Variants in SLCO1B3 observed in about 807,000 individuals in gnomAD.
SLCO1B3 encodes the protein solute carrier organic anion transporter family member 1B3, also known as liver-specific organic anion transporter 2.
In SLCO1B3, 72 loss-of-function variants were observed where a neutral mutation model predicts 71.8. That is an observed-to-expected ratio of 1.00 (90% CI 0.83 to 1.22). The LOEUF is 1.22. Among genes scored for constraint, SLCO1B3 ranks in the 50% most tolerant of loss-of-function variants. The pLI is 0.00. For synonymous variants in SLCO1B3, 298 were observed against 278.4 expected, an observed-to-expected ratio of 1.07 and a Z score of -0.70; for missense variants, 911 against 819.7, an observed-to-expected ratio of 1.11 and a Z score of -1.36.
chr12:20,883,574 G>A lies in SLCO1B3; in HGVS notation c.1654G>A (p.Gly552Ser), dbSNP rs1396825033. 5.5e-5 allele frequency: 87 copies of A among 1,595,232 alleles called. No homozygotes were observed. The highest frequency in any genetic ancestry group is 7.2e-5 in the Non-Finnish European group (85 of 1,173,296). ...AAACTCTTTGTTCTCTGCAACAGGA[G>A]GTACCACATTTATCTTGTTGACTGT... is the stretch of plus-strand genomic sequence containing the variant. ...VINSLFSATG[G>S]TTFILLTVKI... The change falls in exon 13 of 16, where the codon GGT becomes AGT. Residue 552 changes from glycine (G) to serine (S), a missense_variant. Physicochemically the swap from Gly to Ser is moderately conservative, Grantham distance 56 (BLOSUM62 0). Transcript: ENST00000381545.
chr12:20,907,910 T>G (rs754310886), intron 15 of SLCO1B3, among the ~76,000 whole-genome samples: 24 of 152,254 alleles, frequency 1.6e-4, no homozygotes, highest in Admixed American at 3.3e-4. Context: ...AAATCATAAT[T>G]CATTTTAAGG....
At chr12:20,854,594 C>T (rs930022957) in intron 3 of SLCO1B3, among the ~76,000 whole-genome samples, 1 of 152,118 alleles carries the variant, frequency 6.6e-6, no homozygotes, top group Non-Finnish European at 1.5e-5. Context: ...CATAAAATTC[C>T]TCTTTGCCTC....
chr12:20,915,229 A>G (rs1866467989), intron 15 of SLCO1B3, among the ~76,000 whole-genome samples: 1 of 151,872 alleles, frequency 6.6e-6, no homozygotes, highest in Non-Finnish European at 1.5e-5. Context: ...ATATAAACTT[A>G]GAGATTGTTT....
rs182055019 is a variant in SLCO1B3 at position 20,904,499 on chromosome 12, A to G, written c.1865+3032A>G. Among the ~76,000 whole-genome samples the G allele has an allele frequency of 2.2e-3, 336 of 152,142 alleles. 2 individuals are homozygous for G. The highest frequency in any genetic ancestry group is 8.0e-3 in the African/African-American group (331 of 41,538). ...GCTCCACTCCTGTGGCTCTGCAGGT[A>G]CAGTCCCCATGGCTGCTTTCATGGG... On this transcript the variant is annotated intron_variant, in intron 15 of 15. Transcript: ENST00000381545.
chr12:20,890,622 G>A (rs538937091), intron 13 of SLCO1B3, among the ~76,000 whole-genome samples: 65 of 152,282 alleles, frequency 4.3e-4, no homozygotes, highest in Admixed American at 3.9e-3. Context: ...ATTATTGAAA[G>A]ACCCCACTAC....
intron 3 of SLCO1B3, among the ~76,000 whole-genome samples, chr12:20,818,688 CG>C (rs1362666709): frequency 6.6e-6 from 1 of 152,166 alleles, no homozygotes; most frequent in Non-Finnish European, 1.5e-5. Context: ...TTCTAAGAGG[CG>C]GGCTAGTGGC....
intron 3 of SLCO1B3, among the ~76,000 whole-genome samples, chr12:20,830,380 G>A (rs1309027913): frequency 6.6e-6 from 1 of 152,116 alleles, no homozygotes; most frequent in Non-Finnish European, 1.5e-5. Context: ...TATTTAAAGG[G>A]GAAAAATAGG....
At chr12:20,873,073 C>T (rs7301193) in intron 8 of SLCO1B3, among the ~76,000 whole-genome samples, 110,106 of 152,004 alleles carry the variant, frequency 0.72, 42,470 homozygotes, top group South Asian at 0.9. Flanking sequence ...GCTGTCCAAC[C>T]CTTTCCCTTC....
At chr12:20,896,963 C>CA (rs1866020453) in intron 13 of SLCO1B3, among the ~76,000 whole-genome samples, 1 of 152,170 alleles carries the variant, frequency 6.6e-6, no homozygotes, top group Non-Finnish European at 1.5e-5. Context: ...CTCTGACTTA[C>CA]AAAGCCATCA....
chr12:20,841,525 A>G (rs1282165997), intron 3 of SLCO1B3, among the ~76,000 whole-genome samples: 1 of 126,286 alleles, frequency 7.9e-6, no homozygotes, highest in Non-Finnish European at 1.8e-5. Context: ...TGTGGCAGAT[A>G]TTGTCTGTAC....
intron 3 of SLCO1B3, among the ~76,000 whole-genome samples, chr12:20,817,718 G>C (rs1565575679): frequency 6.6e-6 from 1 of 152,000 alleles, no homozygotes; most frequent in Non-Finnish European, 1.5e-5. Context: ...CTCCTGAGTA[G>C]CTGGGACTAC....
chr12:20,893,234 A>G (rs1277920140), intron 13 of SLCO1B3, among the ~76,000 whole-genome samples: 1 of 152,184 alleles, frequency 6.6e-6, no homozygotes, highest in African/African-American at 2.4e-5. Context: ...ACTTTCCAGA[A>G]AAGAGGTCAA....
chr12:20,821,167 G>A (rs12827890), intron 3 of SLCO1B3, among the ~76,000 whole-genome samples: 2 of 151,948 alleles, frequency 1.3e-5, no homozygotes, highest in South Asian at 4.2e-4. Context: ...GGGATGAATT[G>A]CATTGGGCAG....
At chr12:20,904,755 CTTTTTTTTTTTTTTTTTTTT>C (rs775996155) in intron 15 of SLCO1B3, among the ~76,000 whole-genome samples, 8 of 56,076 alleles carry the variant, frequency 1.4e-4, no homozygotes, top group Admixed American at 3.2e-4. Context: ...GACATCCAGG[CTTTTTTTTTTTTTTTTTTTT>C]TTTTTTTTTT....
chr12:20,814,819 C>T (rs1864162406), intron 2 of SLCO1B3, among the ~76,000 whole-genome samples: 1 of 151,650 alleles, frequency 6.6e-6, no homozygotes, highest in African/African-American at 2.4e-5. Context: ...ATGGCGTGAA[C>T]CTGGGAGGCA....
chr12:20,914,433 G>A (rs1432512703), intron 15 of SLCO1B3, among the ~76,000 whole-genome samples: 1 of 151,834 alleles, frequency 6.6e-6, no homozygotes, highest in Non-Finnish European at 1.5e-5. Flanking sequence ...CCTACACATT[G>A]TGTCATTGCT....
chr12:20,826,483 T>C lies in SLCO1B3; in HGVS notation c.84+10661T>C, dbSNP rs114790015. 7.2e-3 allele frequency among the ~76,000 whole-genome samples: 1,102 copies of C among 152,236 alleles called. 18 individuals carry two copies. The highest frequency in any genetic ancestry group is 0.026 in the African/African-American group (1,068 of 41,572). Reference sequence around the variant, plus strand: ...AATTCTTTAGTGAATTAATTCTTTTTTAATATCAAGTCTCAATCTCTGGAA... The same window carrying C: ...AATTCTTTAGTGAATTAATTCTTTTCTAATATCAAGTCTCAATCTCTGGAA... On this transcript the variant is annotated intron_variant, in intron 3 of 15. Transcript: ENST00000381545.
chr12:20,896,386 G>A (rs550224541), intron 13 of SLCO1B3, among the ~76,000 whole-genome samples: 149 of 152,284 alleles, frequency 9.8e-4, no homozygotes, highest in African/African-American at 3.4e-3. Flanking sequence ...ATGCTTTGCT[G>A]CTTAGAAATT....
At chr12:20,896,920 A>T (rs1057194474) in intron 13 of SLCO1B3, among the ~76,000 whole-genome samples, 15 of 152,330 alleles carry the variant, frequency 9.8e-5, no homozygotes, top group African/African-American at 3.1e-4. Context: ...TCATATGTGG[A>T]TGAGGCAAGC....
Sources: allele counts gnomAD v4.1 joint callset (sites outside exome capture counted in the v4.1 genomes callset), GRCh38; gene constraint gnomAD v4.1.1; transcripts MANE v1.5; gene names NCBI Gene and HGNC (gene_info 2026-07-23, HGNC 2026-07-21).